CACNB2: variants seen among roughly 807,000 people sequenced by gnomAD.
The protein encoded by CACNB2 is calcium voltage-gated channel auxiliary subunit beta 2.
CACNB2 carries 42 observed loss-of-function variants against 73.3 expected under a neutral mutation model. The observed-to-expected ratio is 0.57, with a 90% confidence interval of 0.45 to 0.74. The LOEUF (loss-of-function observed/expected upper bound fraction) is 0.74. Among genes scored for constraint, CACNB2 ranks in the 30% least tolerant of loss-of-function variants. The probability of loss-of-function intolerance (pLI) is 0.00; values close to 1 mark genes in which losing one functional copy is unlikely to be tolerated. For missense variants in CACNB2, 940 were observed against 853.0 expected (o/e 1.10, Z -1.27); for synonymous variants, 348 against 310.3 (o/e 1.12, Z -1.28).
chr10:18,367,561 G>A (rs2042406507), intron 2 of CACNB2, among the ~76,000 whole-genome samples: 1 of 152,064 alleles, frequency 6.6e-6, no homozygotes, highest in African/African-American at 2.4e-5. Context: ...AAACCTCACT[G>A]TAAGAAATGT....
intron 3 of CACNB2, among the ~76,000 whole-genome samples, chr10:18,442,211 G>A (rs560033558): frequency 5.9e-5 from 9 of 152,046 alleles, no homozygotes; most frequent in South Asian, 2.1e-4. Context: ...GGACAATGGC[G>A]CGATCTCTAC....
intron 13 of CACNB2, 122 bp downstream of exon 13, chr10:18,538,487 C>T (rs2053828312): frequency 1.3e-6 from 1 of 792,258 alleles, no homozygotes; most frequent in Non-Finnish European, 2.1e-6. Context: ...TATATTAACT[C>T]AAAGCAAGTC....
At chr10:18,250,629 A>C (rs1228866232) in intron 2 of CACNB2, among the ~76,000 whole-genome samples, 1 of 152,160 alleles carries the variant, frequency 6.6e-6, no homozygotes, top group Non-Finnish European at 1.5e-5. Flanking sequence ...GGAAAATTAA[A>C]TATTTAAGAT....
intron 10 of CACNB2, chr10:18,533,356 G>A (rs902098347): frequency 3.3e-5 from 5 of 151,946 alleles, no homozygotes; most frequent in Admixed American, 6.6e-5. Context: ...CAGAAAATTC[G>A]GTCAGACAGT....
intron 6 of CACNB2, chr10:18,513,790 C>A: frequency 4.1e-6 from 1 of 242,672 alleles, no homozygotes; most frequent in Non-Finnish European, 8.2e-6. Context: ...ATGGCAAATT[C>A]CAACAGTGCA....
chr10:18,389,104 T>C (rs2043354724), intron 2 of CACNB2, among the ~76,000 whole-genome samples: 1 of 152,210 alleles, frequency 6.6e-6, no homozygotes, highest in African/African-American at 2.4e-5. Flanking sequence ...CCAACATTTT[T>C]TGAGAAAATG....
chr10:18,180,012 G>A (rs923307100), intron 2 of CACNB2, among the ~76,000 whole-genome samples: 1 of 152,132 alleles, frequency 6.6e-6, no homozygotes, highest in African/African-American at 2.4e-5. Context: ...ATGACTACAG[G>A]TCTGCTTCCT....
intron 6 of CACNB2, among the ~76,000 whole-genome samples, chr10:18,507,657 T>C (rs1309868658): frequency 6.6e-6 from 1 of 152,168 alleles, no homozygotes; most frequent in African/African-American, 2.4e-5. Context: ...ACATGATCAG[T>C]ATCTTAGTTT....
At chr10:18,239,926 A>G (rs1465952941) in intron 2 of CACNB2, among the ~76,000 whole-genome samples, 3 of 152,180 alleles carry the variant, frequency 2.0e-5, no homozygotes, top group African/African-American at 7.2e-5. Flanking sequence ...ATATTACCTG[A>G]TCTTTACTGA....
chr10:18,219,599 A>G (rs535670982), intron 2 of CACNB2, among the ~76,000 whole-genome samples: 1 of 152,248 alleles, frequency 6.6e-6, no homozygotes, highest in Non-Finnish European at 1.5e-5. Context: ...TCTGTACATG[A>G]CTTGTAGATT....
chr10:18,242,969 C>G (rs1302772980), intron 2 of CACNB2, among the ~76,000 whole-genome samples: 1 of 146,430 alleles, frequency 6.8e-6, no homozygotes. Context: ...GAGATTGCGC[C>G]ACTGCACTCC....
intron 3 of CACNB2, among the ~76,000 whole-genome samples, chr10:18,429,284 C>T (rs2045759002): frequency 6.6e-6 from 1 of 152,166 alleles, no homozygotes; most frequent in African/African-American, 2.4e-5. Flanking sequence ...TCTTTGTATG[C>T]AGTCTCTCTT....
chr10:18,347,035 G>A (rs1019478054), intron 2 of CACNB2, among the ~76,000 whole-genome samples: 1 of 152,138 alleles, frequency 6.6e-6, no homozygotes, highest in African/African-American at 2.4e-5. Context: ...TGATAAAAGT[G>A]CACCTTTTAG....
intron 3 of CACNB2, among the ~76,000 whole-genome samples, chr10:18,456,439 G>C (rs894167722): frequency 6.6e-6 from 1 of 152,096 alleles, no homozygotes; most frequent in Non-Finnish European, 1.5e-5. Context: ...ACTCCAGCCT[G>C]GATGACAGAG....
intron 3 of CACNB2, among the ~76,000 whole-genome samples, chr10:18,451,262 G>A (rs1375339490): frequency 1.3e-5 from 2 of 152,126 alleles, no homozygotes; most frequent in Admixed American, 1.3e-4. Context: ...AAATAAAGAA[G>A]CAGCCATCTG....
At position 18,442,974 on chromosome 10, in the gene CACNB2, ATATATATATATGTATATATATATGTG is replaced by A. The variant is rs1479396792; in HGVS notation, c.333+40943_333+40968del. Among the ~76,000 whole-genome samples the A allele has an allele frequency of 4.1e-4, 8 of 19,740 alleles. 1 individual carries two copies. Among genetic ancestry groups the A allele is most frequent in the African/African-American group, 3.4e-3 (5 of 1,490 alleles). 13.0% of individuals were successfully genotyped at this position (19,740 alleles called of 152,430 possible). On this transcript the variant is annotated intron_variant, in intron 3 of 13. Transcript: ENST00000324631. The stretch of plus-strand genomic sequence containing the variant: ...TATATATATGTATATATATATGTGT[ATATATATATATGTATATATATATGTG>A]TATATATATATATGTATATATATAT...
chr10:18,342,043 C>T (rs1047140808), intron 2 of CACNB2, among the ~76,000 whole-genome samples: 3 of 152,132 alleles, frequency 2.0e-5, no homozygotes, highest in Admixed American at 6.6e-5. Flanking sequence ...AGATATGTCA[C>T]GCCCACCTAT....
intron 2 of CACNB2, among the ~76,000 whole-genome samples, chr10:18,214,972 T>C (rs1442127878): frequency 6.6e-6 from 1 of 152,128 alleles, no homozygotes; most frequent in Non-Finnish European, 1.5e-5. Flanking sequence ...ACGATAAGAG[T>C]AATACGAATT....
At chr10:18,532,864 A>G (rs1403987746) in intron 10 of CACNB2, among the ~76,000 whole-genome samples, 1 of 152,136 alleles carries the variant, frequency 6.6e-6, no homozygotes, top group Non-Finnish European at 1.5e-5. Flanking sequence ...TAATGCTTAC[A>G]GTAAATATTA....
Sources: gnomAD v4.1 joint callset for allele counts (sites outside exome capture counted in the v4.1 genomes callset) on GRCh38, gnomAD v4.1.1 for gene constraint, MANE v1.5 for transcripts, NCBI Gene and HGNC (gene_info 2026-07-23, HGNC 2026-07-21) for gene names.